DYNC1I2: variants seen among roughly 807,000 people sequenced by gnomAD.
The protein encoded by DYNC1I2 is dynein cytoplasmic 1 intermediate chain 2.
A neutral mutation model predicts 88.6 loss-of-function variants in DYNC1I2; 53 were observed. That is an observed-to-expected ratio of 0.60 (90% CI 0.48 to 0.75). The LOEUF (loss-of-function observed/expected upper bound fraction) is 0.75, where lower values mean the gene tolerates loss of function less well. Ranked by LOEUF, DYNC1I2 falls within the 30% of genes least tolerant of loss-of-function variation. The probability of loss-of-function intolerance (pLI) is 0.00; values close to 1 mark genes in which losing one functional copy is unlikely to be tolerated. For synonymous variants in DYNC1I2, 198 were observed against 254.6 expected (o/e 0.78, Z 2.12); for missense variants, 458 against 766.6 (o/e 0.60, Z 4.75).
rs1688245034 is a variant in DYNC1I2, at chr2:171,726,233, A to G, written c.810A>G (p.Gln270=). 1 of 1,612,182 alleles carries G rather than the reference A, an allele frequency of 6.2e-7. No homozygotes were observed. The highest frequency in any genetic ancestry group is 1.1e-5 in the South Asian group (1 of 90,744). ...QAGAKLSLNR[Q]FFDERWSKHR... is the part of the protein sequence containing the mutation. ...GTGCTAAACTGTCATTAAATCGACA[A>G]TTTTTTGACGAACGTTGGTCAAAGC... Residue 270 remains glutamine (Q), a synonymous_variant, in exon 10 of 18, where the codon CAA becomes CAG. Coordinates refer to ENST00000397119, the MANE Select transcript of DYNC1I2 (RefSeq NM_001378.3).
chr2:171,732,367 A>G (rs552766650), intron 15 of DYNC1I2, among the ~76,000 whole-genome samples: 5 of 152,352 alleles, frequency 3.3e-5, no homozygotes, highest in African/African-American at 9.6e-5. Flanking sequence ...TGAAAAAGTA[A>G]TGATAATCTT....
chr2:171,738,715 C>T (rs145158261), intron 15 of DYNC1I2, among the ~76,000 whole-genome samples: 5 of 152,312 alleles, frequency 3.3e-5, no homozygotes, highest in African/African-American at 1.2e-4. Context: ...GGCCTTAGCA[C>T]AGTGGTTCTT....
intron 2 of DYNC1I2, among the ~76,000 whole-genome samples, chr2:171,691,989 T>G (rs559154436): frequency 6.6e-6 from 1 of 152,318 alleles, no homozygotes; most frequent in South Asian, 2.1e-4. Context: ...TTCTGATGAC[T>G]TTTAAGTCAA....
chr2:171,729,291 C>A (rs1248038612), intron 14 of DYNC1I2, among the ~76,000 whole-genome samples: 1 of 152,102 alleles, frequency 6.6e-6, no homozygotes, highest in Non-Finnish European at 1.5e-5. Context: ...TCCGTTCTGT[C>A]TGTTTTGAAA....
rs371436419 is a variant in DYNC1I2 at position 171,726,247 on chromosome 2, G to A, written c.824G>A (p.Arg275His). 256 of 1,612,226 alleles carry A rather than the reference G, an allele frequency of 1.6e-4. No homozygotes were observed. Among genetic ancestry groups the A allele is most frequent in the Non-Finnish European group, 2.0e-4 (235 of 1,179,390 alleles). The change falls in exon 10 of 18, where the codon CGT (arginine) becomes CAT (histidine). Residue 275 changes from arginine (R) to histidine (H), a missense_variant. Transcript: ENST00000397119. ...TTAAATCGACAATTTTTTGACGAACGTTGGTCAAAGCATCGGGTGGTTAGT... is the reference window on the plus strand; with the variant it reads ...TTAAATCGACAATTTTTTGACGAACATTGGTCAAAGCATCGGGTGGTTAGT... ...LSLNRQFFDE[R>H]WSKHRVVSCL...
intron 3 of DYNC1I2, among the ~76,000 whole-genome samples, chr2:171,694,955 A>G (rs1353162966): frequency 2.0e-5 from 3 of 152,170 alleles, no homozygotes; most frequent in African/African-American, 4.8e-5. Flanking sequence ...AACTGTATCA[A>G]TGGCCCATCT....
Position 171,725,724 on chromosome 2 carries a change from G to A in DYNC1I2, c.607+11G>A. The A allele has an allele frequency of 2.0e-6, 3 of 1,510,678 alleles. No homozygotes were observed. Among genetic ancestry groups the A allele is most frequent in the Non-Finnish European group, 2.7e-6 (3 of 1,117,840 alleles). 93.6% of individuals were successfully genotyped at this position (1,510,678 alleles called of 1,614,324 possible). A position where few individuals can be genotyped will look rare whatever the true frequency, so the allele number is the denominator to read the frequency against. ...AAAATGATAGTAAAGGTATCTTAAG[G>A]AATTAAACTTTAAAACATTTTGTTG... On this transcript the variant is annotated intron_variant, in intron 8 of 17. Transcript: ENST00000397119.
rs547872689 is a variant in DYNC1I2, at chr2:171,694,396, G to A, written c.226+1502G>A. On this transcript the variant is annotated intron_variant, in intron 3 of 17. Transcript: ENST00000397119. ...GAGGTGGCTGGGTGGGGTGGCTCAC[G>A]CCTGTAATCCCAGCACTTTGGGAGG... Among the ~76,000 whole-genome samples the A allele has an allele frequency of 5.3e-5, 8 of 152,290 alleles. No individual in the cohort carries two copies. The East Asian group carries it at 1.2e-3, about 22-fold the overall frequency.
chr2:171,694,395 C>T (rs143631209), intron 3 of DYNC1I2, among the ~76,000 whole-genome samples: 2,863 of 152,196 alleles, frequency 0.019, 56 homozygotes, highest in Admixed American at 0.068. Context: ...GGGTGGCTCA[C>T]GCCTGTAATC....
chr2:171,716,647 A>G (rs899500629), intron 7 of DYNC1I2, among the ~76,000 whole-genome samples: 20 of 152,116 alleles, frequency 1.3e-4, no homozygotes, highest in African/African-American at 4.8e-4. Context: ...GGTGGCTCAC[A>G]CCCGTACTAG....
chr2:171,723,542 G>T (rs1688036004), intron 7 of DYNC1I2, among the ~76,000 whole-genome samples: 1 of 152,172 alleles, frequency 6.6e-6, no homozygotes, highest in Admixed American at 6.5e-5. Context: ...TCTAATGCTT[G>T]AGTAATATAG....
intron 3 of DYNC1I2, among the ~76,000 whole-genome samples, chr2:171,695,536 C>CGTATTTA (rs1685705849): frequency 6.6e-6 from 1 of 152,044 alleles, no homozygotes; most frequent in African/African-American, 2.4e-5. Context: ...TTGCTATATA[C>CGTATTTA]GTATTTAGTC....
At chr2:171,689,881 C>G (rs1340144076) in intron 1 of DYNC1I2, among the ~76,000 whole-genome samples, 1 of 84,998 alleles carries the variant, frequency 1.2e-5, no homozygotes, top group East Asian at 3.6e-4. Context: ...ATTTTTCTTG[C>G]CTTTTTTTTT....
chr2:171,747,458 T>A (rs1013718360), intron 17 of DYNC1I2, among the ~76,000 whole-genome samples: 4 of 151,590 alleles, frequency 2.6e-5, no homozygotes, highest in African/African-American at 4.8e-5. Context: ...AAAAAAAAAA[T>A]TTTAAGGAAT....
At position 171,689,635 on chromosome 2, in the gene DYNC1I2, G is replaced by T. The variant is rs1685232337; in HGVS notation, c.-9-512G>T. Among the ~76,000 whole-genome samples the T allele has an allele frequency of 2.6e-5, 4 of 152,098 alleles. No homozygotes were observed. The South Asian group carries it at 8.3e-4, about 32-fold the overall frequency. On this transcript the variant is annotated intron_variant, in intron 1 of 17. Coordinates refer to ENST00000397119, the MANE Select transcript of DYNC1I2 (RefSeq NM_001378.3). ...TACTATGGGCTAGCTACTATGCTCA[G>T]CTCTAGGTAATATTTATTATATATA... is the stretch of plus-strand genomic sequence containing the variant.
intron 3 of DYNC1I2, among the ~76,000 whole-genome samples, chr2:171,694,424 G>A (rs1180703022): frequency 2.6e-5 from 4 of 152,130 alleles, no homozygotes; most frequent in South Asian, 2.1e-4. Context: ...TTGGGAGGCC[G>A]AGGTGGGCGG....
At chr2:171,736,110 C>G (rs138063734) in intron 15 of DYNC1I2, among the ~76,000 whole-genome samples, 2 of 152,140 alleles carry the variant, frequency 1.3e-5, no homozygotes, top group Admixed American at 1.3e-4. Flanking sequence ...AAAGTTCATA[C>G]TAGTCCTTAG....
At chr2:171,725,567 T>A in intron 7 of DYNC1I2, 51 bp from the exon 8 acceptor site, 1 of 1,162,916 alleles carries the variant, frequency 8.6e-7, no homozygotes, top group Non-Finnish European at 1.2e-6. Context: ...AATAATTTAT[T>A]ATATCATTCT....
At chr2:171,708,956 G>A (rs963683230) in intron 5 of DYNC1I2, among the ~76,000 whole-genome samples, 2 of 152,006 alleles carry the variant, frequency 1.3e-5, no homozygotes, top group South Asian at 2.1e-4. Flanking sequence ...GCCTCCGAAC[G>A]TGCTGGGATT....
Sources: gnomAD v4.1 joint callset for allele counts (sites outside exome capture counted in the v4.1 genomes callset) on GRCh38, gnomAD v4.1.1 for gene constraint, MANE v1.5 for transcripts, NCBI Gene and HGNC (gene_info 2026-07-23, HGNC 2026-07-21) for gene names.